Variants in IARS2 observed in about 807,000 individuals in gnomAD.
IARS2 encodes the protein isoleucyl-tRNA synthetase 2, mitochondrial.
IARS2 carries 56 observed loss-of-function variants against 126.3 expected under a neutral mutation model. The observed-to-expected ratio is 0.44, with a 90% CI of 0.36 to 0.55. The LOEUF is 0.55. Among genes scored for constraint, IARS2 ranks in the 20% least tolerant of loss-of-function variants. The pLI is 0.00. For synonymous variants in IARS2, 407 were observed against 441.1 expected, an observed-to-expected ratio of 0.92 and a Z score of 0.97; for missense variants, 1,127 against 1,245.9, an observed-to-expected ratio of 0.90 and a Z score of 1.44.
chr1:220,124,062 A>AGTG (rs1284057106), intron 12 of IARS2, among the ~76,000 whole-genome samples: 4 of 152,234 alleles, frequency 2.6e-5, no homozygotes, highest in Non-Finnish European at 5.9e-5. Context: ...CCTGGGTTCA[A>AGTG]GTGGTGGAGC....
At chr1:220,097,130 C>CCAA (rs1316711985) in intron 2 of IARS2, among the ~76,000 whole-genome samples, 1 of 151,888 alleles carries the variant, frequency 6.6e-6, no homozygotes, top group Middle Eastern at 3.2e-3. Context: ...AATGGAAGAG[C>CCAA]CAACATTAAC....
intron 11 of IARS2, among the ~76,000 whole-genome samples, chr1:220,113,618 T>C (rs549956414): frequency 2.1e-4 from 30 of 144,446 alleles, no homozygotes; most frequent in African/African-American, 8.5e-4. Flanking sequence ...GTTAGCCATT[T>C]GTCGATAGAT....
chr1:220,112,695 A>G (rs1459363836), intron 11 of IARS2, among the ~76,000 whole-genome samples: 1 of 148,738 alleles, frequency 6.7e-6, no homozygotes, highest in Non-Finnish European at 1.5e-5. Context: ...AGTAACTGGG[A>G]CTACAGGCCT....
chr1:220,113,556 T>TAAGAC, intron 11 of IARS2, among the ~76,000 whole-genome samples: 1 of 151,930 alleles, frequency 6.6e-6, no homozygotes. Context: ...GTAGCAGTTT[T>TAAGAC]CAACCTTATT....
intron 12 of IARS2, among the ~76,000 whole-genome samples, chr1:220,116,715 A>G (rs72747391): frequency 6.6e-6 from 1 of 151,970 alleles, no homozygotes; most frequent in African/African-American, 2.4e-5. Context: ...TAATACTTAC[A>G]TTAAGAATTA....
chr1:220,135,477 C>T (rs539286922), intron 15 of IARS2, among the ~76,000 whole-genome samples: 1 of 152,006 alleles, frequency 6.6e-6, no homozygotes, highest in South Asian at 2.1e-4. Flanking sequence ...TCTCCTGCCT[C>T]AGCCTCTCGA....
At chr1:220,111,594 A>ATGTG (rs1448032043) in intron 11 of IARS2, among the ~76,000 whole-genome samples, 3 of 139,690 alleles carry the variant, frequency 2.1e-5, no homozygotes, top group East Asian at 4.4e-4. Context: ...ATATATATAT[A>ATGTG]TATATGTGTG....
intron 21 of IARS2, 76 bp from the exon 22 acceptor site, chr1:220,145,433 A>G (rs1258413185): frequency 2.1e-5 from 29 of 1,379,968 alleles, no homozygotes; most frequent in Non-Finnish European, 2.5e-5. Flanking sequence ...GTGAGATTTT[A>G]TAGTGTTTCT....
At chr1:220,103,617 A>C (rs1412851046) in intron 8 of IARS2, 55 bp downstream of exon 8, 1 of 1,089,140 alleles carries the variant, frequency 9.2e-7, no homozygotes, top group African/African-American at 1.5e-5. Context: ...GGCTGACTTG[A>C]ATTTACTACT....
intron 12 of IARS2, 61 bp downstream of exon 12, chr1:220,114,535 G>A (rs1377120575): frequency 2.3e-6 from 3 of 1,293,330 alleles, no homozygotes; most frequent in African/African-American, 3.0e-5. Context: ...TTCAAAAATT[G>A]AAAAATAATG....
Position 220,110,930 on chromosome 1 carries a change from C to T in IARS2, c.1472C>T (p.Ala491Val). The change falls in exon 11 of 23, where the codon GCA becomes GTA. Residue 491 changes from alanine (A) to valine (V), a missense_variant. Coordinates refer to ENST00000366922, the MANE Select transcript of IARS2 (RefSeq NM_018060.4). ...ATAAACATCACGGATATTAAGACTG[C>T]AGCCAAGGTATAAAAAGCATCCTGT... ...WFINITDIKT[A>V]AKELLKKVKF... 1 of 1,611,992 alleles carries T rather than the reference C, an allele frequency of 6.2e-7. No homozygotes were observed. The highest frequency in any genetic ancestry group is 8.5e-7 in the Non-Finnish European group (1 of 1,179,448).
intron 16 of IARS2, among the ~76,000 whole-genome samples, chr1:220,137,277 ATATG>A (rs1657396334): frequency 1.3e-5 from 2 of 152,218 alleles, no homozygotes; most frequent in South Asian, 2.1e-4. Context: ...TGAAAAAAGA[ATATG>A]TAAAGTGTGA....
chr1:220,094,583 C>A, intron 1 of IARS2, 100 bp downstream of exon 1: 2 of 1,014,992 alleles, frequency 2.0e-6, no homozygotes, highest in Non-Finnish European at 2.8e-6. Flanking sequence ...CACGCCGGTG[C>A]GGGTGGGCGG....
At chr1:220,137,851 A>G (rs1657410180) in intron 16 of IARS2, 67 bp from the exon 17 acceptor site, 1 of 1,576,952 alleles carries the variant, frequency 6.3e-7, no homozygotes, top group African/African-American at 1.3e-5. Context: ...AGCTTTACCT[A>G]AAACATTTGT....
In IARS2 at chr1:220,140,203, A is replaced by G. The variant is rs762197237; in HGVS notation, c.2328A>G (p.Gln776=). 1.9e-6 allele frequency: 3 copies of G among 1,611,218 alleles called. No individual in the cohort carries two copies. Among genetic ancestry groups the G allele is most frequent in the African/African-American group, 2.7e-5 (2 of 75,006 alleles). The stretch of plus-strand genomic sequence containing the variant: ...CCTAGATTACCGAATTATACAAACA[A>G]TATGATTTTGGAAAAGTTGTTCGGC... ...LANKITELYK[Q]YDFGKVVRLL... The change falls in exon 19 of 23, where the codon CAA becomes CAG. Residue 776 remains glutamine, a synonymous_variant. Transcript: ENST00000366922.
At chr1:220,094,590 G>A (rs1182353093) in intron 1 of IARS2, 107 bp downstream of exon 1, 21 of 945,908 alleles carry the variant, frequency 2.2e-5, no homozygotes, top group Non-Finnish European at 2.9e-5. Context: ...GTGCGGGTGG[G>A]CGGGGGTGTG....
Position 220,139,145 on chromosome 1 carries a change from T to C in IARS2, c.2307+6T>C, listed in dbSNP as rs200946043. ...TGCAGGATTTGGCAAACAAGGTAAATGTAAATTAATAAACTTTTGGAAACT... is the reference window on the plus strand; with the variant it reads ...TGCAGGATTTGGCAAACAAGGTAAACGTAAATTAATAAACTTTTGGAAACT... On this transcript the variant is annotated splice_donor_region_variant and intron_variant, in intron 18 of 22. Transcript: ENST00000366922. 77 of 1,599,410 alleles carry C rather than the reference T, an allele frequency of 4.8e-5. No homozygotes were observed. The highest frequency in any genetic ancestry group is 6.2e-5 in the Non-Finnish European group (73 of 1,174,638).
chr1:220,140,064 C>T (rs1657454465), intron 18 of IARS2, 119 bp from the exon 19 acceptor site: 4 of 672,172 alleles, frequency 6.0e-6, no homozygotes, highest in East Asian at 2.7e-5. Flanking sequence ...TTGCATATTG[C>T]CTGTTTTGTA....
At chr1:220,120,362 G>A (rs1346810082) in intron 12 of IARS2, among the ~76,000 whole-genome samples, 3 of 149,668 alleles carry the variant, frequency 2.0e-5, no homozygotes, top group Admixed American at 1.3e-4. Context: ...GATTATAGGC[G>A]TGAACCACCG....
Sources: gnomAD v4.1 joint callset for allele counts (sites outside exome capture counted in the v4.1 genomes callset) on GRCh38, gnomAD v4.1.1 for gene constraint, MANE v1.5 for transcripts, NCBI Gene and HGNC (gene_info 2026-07-23, HGNC 2026-07-21) for gene names.